The following FSTL4 variants were observed in gnomAD, a reference collection of about 807,000 sequenced individuals.
The protein encoded by FSTL4 is follistatin-related protein 4.
FSTL4 carries 28 observed loss-of-function variants against 78.2 expected under a neutral mutation model. That is an observed-to-expected ratio of 0.36 (90% CI 0.27 to 0.49). FSTL4 has a LOEUF of 0.49. Among genes scored for constraint, FSTL4 ranks in the 20% least tolerant of loss-of-function variants. The probability of loss-of-function intolerance (pLI) is 0.98; values close to 1 mark genes in which losing one functional copy is unlikely to be tolerated. For missense variants in FSTL4, 922 were observed against 1,084.9 expected, an observed-to-expected ratio of 0.85 and a Z score of 2.11; for synonymous variants, 422 against 440.5, an observed-to-expected ratio of 0.96 and a Z score of 0.53.
At chr5:133,799,718 C>A in the FSTL4 span, among the ~76,000 whole-genome samples, 7 of 139,542 alleles carry the variant, frequency 5.0e-5, 2 homozygotes, top group Admixed American at 2.2e-4. Flanking sequence ...ACGCCTCCCC[C>A]TCCTGGCCCA....
At chr5:133,334,296 C>T (rs1194325411) in intron 4 of FSTL4, among the ~76,000 whole-genome samples, 1 of 152,224 alleles carries the variant, frequency 6.6e-6, no homozygotes, top group African/African-American at 2.4e-5. Context: ...TCCACACTCA[C>T]ATGAAGCTTT....
At chr5:133,524,361 T>C (rs1199414989) in intron 3 of FSTL4, among the ~76,000 whole-genome samples, 1 of 152,036 alleles carries the variant, frequency 6.6e-6, no homozygotes, top group Non-Finnish European at 1.5e-5. Flanking sequence ...AGGTCTGACA[T>C]GATAAAGGGA....
the FSTL4 span, among the ~76,000 whole-genome samples, chr5:133,812,734 T>C: frequency 1.3e-5 from 2 of 152,204 alleles, no homozygotes; most frequent in Non-Finnish European, 2.9e-5. Context: ...TACATACCTG[T>C]TTATTGTCTG....
chr5:133,199,710 G>A lies in FSTL4; in HGVS notation c.1914C>T (p.His638=). ...TMMPLKTIGL[H]HHGCVPQAMA... ...TGGCCTGGGGCACGCAGCCATGGTG[G>A]TGCAGGCCGATGGTCTTGAGGGGCA... Residue 638 remains histidine, a synonymous_variant, in exon 16 of 16, where the codon CAC becomes CAT. Transcript: ENST00000265342. This position sits in a 1 kb window ranked among gnomAD's most constrained non-coding sequence, Gnocchi z 4.4. 1 of 1,612,876 alleles carries A rather than the reference G, an allele frequency of 6.2e-7. No individual in the cohort carries two copies. The highest frequency in any genetic ancestry group is 2.2e-5 in the East Asian group (1 of 44,856).
chr5:133,398,411 G>A (rs910414505), intron 4 of FSTL4, among the ~76,000 whole-genome samples: 13 of 152,236 alleles, frequency 8.5e-5, no homozygotes, highest in African/African-American at 3.1e-4. Flanking sequence ...CCCCAGCAAT[G>A]AGTGTCTGCC....
the FSTL4 span, among the ~76,000 whole-genome samples, chr5:133,686,967 G>A: frequency 2.6e-5 from 4 of 152,210 alleles, no homozygotes; most frequent in Non-Finnish European, 4.4e-5. Context: ...GCTTAGTCTT[G>A]GAGGGTGAGA....
intron 2 of FSTL4, among the ~76,000 whole-genome samples, chr5:133,589,585 G>C (rs2190594): frequency 0.23 from 34,521 of 151,818 alleles, 4,200 homozygotes; most frequent in East Asian, 0.29. Flanking sequence ...AAATTGTTGG[G>C]GAGGAGGGGG....
At chr5:133,422,511 T>A (rs1756720147) in intron 3 of FSTL4, among the ~76,000 whole-genome samples, 1 of 152,018 alleles carries the variant, frequency 6.6e-6, no homozygotes, top group Non-Finnish European at 1.5e-5. Context: ...AGGATGCTGT[T>A]TACCGTTTAC....
At chr5:133,336,292 A>G (rs546096457) in intron 4 of FSTL4, among the ~76,000 whole-genome samples, 148 of 149,056 alleles carry the variant, frequency 9.9e-4, no homozygotes, top group Non-Finnish European at 1.8e-3. Context: ...TCACTCAACA[A>G]ACAAGCACTG....
intron 4 of FSTL4, among the ~76,000 whole-genome samples, chr5:133,336,664 C>T (rs555167065): frequency 6.6e-6 from 1 of 152,326 alleles, no homozygotes; most frequent in African/African-American, 2.4e-5. Context: ...TTCAACACAT[C>T]CTCCTGCCCA....
At chr5:133,567,089 T>G in intron 3 of FSTL4, 97 bp downstream of exon 3, 419 of 875,188 alleles carry the variant, frequency 4.8e-4, no homozygotes, top group Non-Finnish European at 7.5e-4. Context: ...TTTCAAAGAA[T>G]GAGCTGCCCA....
chr5:133,575,809 C>A (rs1021669797), intron 2 of FSTL4, among the ~76,000 whole-genome samples: 2 of 152,172 alleles, frequency 1.3e-5, no homozygotes, highest in Non-Finnish European at 2.9e-5. Context: ...TACTTAATGA[C>A]TAAATTTCTT....
intron 6 of FSTL4, among the ~76,000 whole-genome samples, chr5:133,261,494 C>T (rs948305039): frequency 6.6e-6 from 1 of 152,176 alleles, no homozygotes; most frequent in Admixed American, 6.5e-5. Flanking sequence ...TTGGACACGC[C>T]TTGTTATATC....
chr5:133,604,571 T>C (rs1561484351), intron 1 of FSTL4, among the ~76,000 whole-genome samples: 1 of 152,046 alleles, frequency 6.6e-6, no homozygotes, highest in Non-Finnish European at 1.5e-5. Flanking sequence ...TAGCTGGGCG[T>C]GGTAGCAGGC....
chr5:133,569,164 T>C (rs1051841102), intron 2 of FSTL4, among the ~76,000 whole-genome samples: 16 of 152,218 alleles, frequency 1.1e-4, no homozygotes, highest in African/African-American at 3.6e-4. Flanking sequence ...AGTTTTTCCA[T>C]TGATTCTTTT....
At chr5:133,553,569 T>G (rs1161774284) in intron 3 of FSTL4, among the ~76,000 whole-genome samples, 2 of 152,214 alleles carry the variant, frequency 1.3e-5, no homozygotes, top group African/African-American at 2.4e-5. Context: ...CTGTGTCTTC[T>G]CATTTCTAAA....
chr5:133,575,648 G>A (rs1057213332), intron 2 of FSTL4, among the ~76,000 whole-genome samples: 1 of 152,124 alleles, frequency 6.6e-6, no homozygotes, highest in East Asian at 1.9e-4. Flanking sequence ...GCTTAAAAAA[G>A]CAACCCCTCA....
intron 4 of FSTL4, among the ~76,000 whole-genome samples, chr5:133,336,466 T>A (rs1754467546): frequency 6.6e-6 from 1 of 152,136 alleles, no homozygotes; most frequent in African/African-American, 2.4e-5. Flanking sequence ...CCTGCTCCCC[T>A]CTCCTGACCA....
At chr5:133,477,246 G>C (rs890527342) in intron 3 of FSTL4, among the ~76,000 whole-genome samples, 2 of 152,196 alleles carry the variant, frequency 1.3e-5, no homozygotes. Flanking sequence ...TCTGCAGATA[G>C]CTTAGTTGGC....
Sources: gnomAD v4.1 joint callset for allele counts (sites outside exome capture counted in the v4.1 genomes callset) on GRCh38, gnomAD v4.1.1 for gene constraint, Gnocchi (gnomAD v3.1) non-coding constraint, MANE v1.5 for transcripts, NCBI Gene and HGNC (gene_info 2026-07-23, HGNC 2026-07-21) for gene names.